STX17: variants seen among roughly 807,000 people sequenced by gnomAD.
The protein encoded by STX17 is syntaxin-17.
In STX17, 29 loss-of-function variants were observed where a neutral mutation model predicts 35.9. That is an observed-to-expected ratio of 0.81 (90% CI 0.60 to 1.10). The LOEUF is 1.10. Among genes scored for constraint, STX17 ranks in the 50% least tolerant of loss-of-function variants. STX17 has a pLI of 0.00. For synonymous variants in STX17, 92 were observed against 118.3 expected, an observed-to-expected ratio of 0.78 and a Z score of 1.44; for missense variants, 312 against 352.3, an observed-to-expected ratio of 0.89 and a Z score of 0.92.
Position 99,967,887 on chromosome 9 carries a change from T to C in STX17, c.669+148T>C. 6 of 676,258 alleles carry C rather than the reference T, an allele frequency of 8.9e-6. No homozygotes were observed. The South Asian group carries it at 1.1e-4, about 12-fold the overall frequency. 41.9% of individuals were successfully genotyped at this position (676,258 alleles called of 1,614,324 possible). On this transcript the variant is annotated intron_variant, in intron 7 of 7. Transcript: ENST00000259400. ...AATGACACATAGGTAGTGTAAGAAA[T>C]CAATGTTGTAATATTCTACTCTAAG...
intron 6 of STX17, 116 bp downstream of exon 6, chr9:99,960,271 A>T: frequency 9.6e-7 from 1 of 1,043,282 alleles, no homozygotes; most frequent in South Asian, 1.5e-5. Context: ...TAAGACTGGT[A>T]TTAAGCCATA....
chr9:99,926,672 G>C (rs189898976), intron 2 of STX17, among the ~76,000 whole-genome samples: 1 of 152,032 alleles, frequency 6.6e-6, no homozygotes, highest in Admixed American at 6.5e-5. Context: ...TAATTTTTTT[G>C]TATTTTTAGT....
chr9:99,911,584 GTT>G (rs1403304493), intron 1 of STX17, among the ~76,000 whole-genome samples: 1 of 152,142 alleles, frequency 6.6e-6, no homozygotes, highest in Admixed American at 6.5e-5. Context: ...CCTCTGTACA[GTT>G]TTTCTTTCTT....
chr9:99,932,674 G>A (rs1423135336), intron 3 of STX17, among the ~76,000 whole-genome samples: 1 of 152,114 alleles, frequency 6.6e-6, no homozygotes, highest in African/African-American at 2.4e-5. Flanking sequence ...TATATTTACC[G>A]TATTGACCTC....
Position 99,970,302 on chromosome 9 carries a change from C to T in STX17, c.*1629C>T, listed in dbSNP as rs1321879567. 6.6e-6 allele frequency: 1 copy of T among 152,208 alleles called. No homozygotes were observed. The highest frequency in any genetic ancestry group is 1.9e-4 in the East Asian group (1 of 5,198). The allele number at this position is 152,208 out of a possible 1,614,324, so 9.4% of individuals were successfully genotyped here. A position where few individuals can be genotyped will look rare whatever the true frequency, so the allele number is the denominator to read the frequency against. ...TCATCAATGAAATCCAGTGAAACAGCACCATTTCTTAGTATCATTAAATAA... is the reference window on the plus strand; with the variant it reads ...TCATCAATGAAATCCAGTGAAACAGTACCATTTCTTAGTATCATTAAATAA... On this transcript the variant is annotated 3_prime_UTR_variant, in exon 8 of 8. Transcript: ENST00000259400.
rs1435146733 is a variant in STX17, at chr9:99,967,756, G to T, written c.669+17G>T. The T allele has an allele frequency of 1.6e-5, 26 of 1,610,152 alleles. No individual in the cohort carries two copies. Among genetic ancestry groups the T allele is most frequent in the Non-Finnish European group, 2.0e-5 (24 of 1,176,636 alleles). Reference sequence around the variant, plus strand: ...TTAGGGAAGGTAAGATTCTGCTCCTGCTGACAAATCAATGGTACTCTGGCT... The same window carrying T: ...TTAGGGAAGGTAAGATTCTGCTCCTTCTGACAAATCAATGGTACTCTGGCT... On this transcript the variant is annotated intron_variant, in intron 7 of 7. Transcript: ENST00000259400.
At position 99,973,497 on chromosome 9, in the gene STX17, A is replaced by C. The variant is rs187822418; in HGVS notation, c.*4824A>C. On this transcript the variant is annotated 3_prime_UTR_variant, in exon 8 of 8. Coordinates refer to ENST00000259400, the MANE Select transcript of STX17 (RefSeq NM_017919.3). ...TTGTCTCTTGTAGCAGGATTTTTTA[A>C]ATCAGGGGCAGCTCTCTTCTCCCAT... Among the ~76,000 whole-genome samples, 38 of 152,296 alleles carry C rather than the reference A, an allele frequency of 2.5e-4. No homozygotes were observed. Among genetic ancestry groups the C allele is most frequent in the Admixed American group, 1.8e-3 (28 of 15,300 alleles).
At chr9:99,919,073 C>T (rs1828841639) in intron 2 of STX17, among the ~76,000 whole-genome samples, 1 of 152,116 alleles carries the variant, frequency 6.6e-6, no homozygotes, top group African/African-American at 2.4e-5. Flanking sequence ...TATCCAGTGT[C>T]CTTAGCTTCT....
chr9:99,952,339 C>T (rs1318582340), intron 4 of STX17, among the ~76,000 whole-genome samples: 1 of 152,174 alleles, frequency 6.6e-6, no homozygotes, highest in African/African-American at 2.4e-5. Flanking sequence ...GATACCATCT[C>T]ACACCAGTTA....
chr9:99,967,417 T>C, intron 6 of STX17: 1 of 363,710 alleles, frequency 2.7e-6, no homozygotes, highest in Non-Finnish European at 5.1e-6. Flanking sequence ...TAGCGTGAGA[T>C]GCTTTTTGCT....
chr9:99,954,376 C>T (rs1034926547), intron 4 of STX17, among the ~76,000 whole-genome samples: 1 of 151,936 alleles, frequency 6.6e-6, no homozygotes, highest in Non-Finnish European at 1.5e-5. Context: ...ACTGTCTCAC[C>T]AAGTGCCTGA....
At chr9:99,965,778 A>G (rs556123087) in intron 6 of STX17, among the ~76,000 whole-genome samples, 1 of 152,200 alleles carries the variant, frequency 6.6e-6, no homozygotes, top group African/African-American at 2.4e-5. Flanking sequence ...AAAGTTAAAT[A>G]TATTTTTTGA....
intron 3 of STX17, among the ~76,000 whole-genome samples, chr9:99,944,014 G>T (rs1829424117): frequency 6.6e-6 from 1 of 151,566 alleles, no homozygotes; most frequent in Admixed American, 6.6e-5. Flanking sequence ...ATAATTATAT[G>T]ACTATTTTGG....
chr9:99,961,214 A>G (rs1024076061), intron 6 of STX17, among the ~76,000 whole-genome samples: 6 of 152,200 alleles, frequency 3.9e-5, no homozygotes, highest in African/African-American at 1.4e-4. Flanking sequence ...GAGTCATGCA[A>G]TTCAGTCTGT....
At position 99,958,730 on chromosome 9, in the gene STX17, G is replaced by T. The variant is rs977150313; in HGVS notation, c.416-1187G>T. On this transcript the variant is annotated intron_variant, in intron 4 of 7. Coordinates refer to ENST00000259400, the MANE Select transcript of STX17 (RefSeq NM_017919.3). ...TCAGCACACTGATCAGCAGGTAGTAGGCATTTAATAAATGTCAACTCAATG... is the reference window on the plus strand; with the variant it reads ...TCAGCACACTGATCAGCAGGTAGTATGCATTTAATAAATGTCAACTCAATG... Among the ~76,000 whole-genome samples, 4 of 152,122 alleles carry T rather than the reference G, an allele frequency of 2.6e-5. No individual in the cohort carries two copies. The East Asian group carries it at 7.7e-4, about 29-fold the overall frequency.
At chr9:99,948,629 A>G (rs935563306) in intron 3 of STX17, among the ~76,000 whole-genome samples, 3 of 152,180 alleles carry the variant, frequency 2.0e-5, no homozygotes, top group Non-Finnish European at 4.4e-5. Flanking sequence ...TGTGAGGGGA[A>G]GATAAAAGAC....
At position 99,973,884 on chromosome 9, in the gene STX17, A is replaced by C. The variant is rs1346900410; in HGVS notation, c.*5211A>C. Among the ~76,000 whole-genome samples, 3 of 152,024 alleles carry C rather than the reference A, an allele frequency of 2.0e-5. No individual in the cohort carries two copies. Among genetic ancestry groups the C allele is most frequent in the Non-Finnish European group, 4.4e-5 (3 of 68,000 alleles). ...CTTTATCTCTTGAAACTCACTACTC[A>C]CCATCTGACAATGCCACTAAAAATC... On this transcript the variant is annotated 3_prime_UTR_variant, in exon 8 of 8. Transcript: ENST00000259400.
chr9:99,952,160 A>G (rs985832566), intron 4 of STX17, among the ~76,000 whole-genome samples: 3 of 152,106 alleles, frequency 2.0e-5, no homozygotes, highest in African/African-American at 7.2e-5. Flanking sequence ...GAAAAGGTGG[A>G]GTATAAGTAA....
chr9:99,967,505 C>A, intron 6 of STX17, 148 bp from the exon 7 acceptor site: 6 of 379,744 alleles, frequency 1.6e-5, no homozygotes, highest in East Asian at 4.8e-5. Context: ...GTCCTTTCGA[C>A]ATGGCTTATC....
Sources: gnomAD v4.1 joint callset for allele counts (sites outside exome capture counted in the v4.1 genomes callset) on GRCh38, gnomAD v4.1.1 for gene constraint, MANE v1.5 for transcripts, NCBI Gene and HGNC (gene_info 2026-07-23, HGNC 2026-07-21) for gene names.